DOK6: variants seen among roughly 807,000 people sequenced by gnomAD.
The protein encoded by DOK6 is docking protein 6, also known as downstream of tyrosine kinase 6.
Under a neutral mutation model 44.0 loss-of-function variants are expected in DOK6, and 22 were observed. That is an observed-to-expected ratio of 0.50 (90% CI 0.36 to 0.71). The LOEUF (loss-of-function observed/expected upper bound fraction) is 0.71. Ranked by LOEUF, DOK6 falls within the 30% of genes least tolerant of loss-of-function variation. The pLI is 0.00. For missense variants in DOK6, 340 were observed against 416.4 expected (o/e 0.82, Z 1.60); for synonymous variants, 166 against 145.5 (o/e 1.14, Z -1.01).
At chr18:69,655,761 C>CAAAAAAAAAAAAAAAAA (rs74175379) in intron 3 of DOK6, among the ~76,000 whole-genome samples, 7 of 43,166 alleles carry the variant, frequency 1.6e-4, no homozygotes, top group African/African-American at 3.2e-4. Context: ...CCCCACCCCT[C>CAAAAAAAAAAAAAAAAA]AAAAAAAAAA....
At chr18:69,663,401 A>T (rs925318694) in intron 3 of DOK6, 3 of 151,936 alleles carry the variant, frequency 2.0e-5, no homozygotes, top group Admixed American at 2.0e-4. Flanking sequence ...CTGCACATGT[A>T]CCCATGAACT....
intron 6 of DOK6, among the ~76,000 whole-genome samples, chr18:69,755,270 T>C (rs1979317649): frequency 6.6e-6 from 1 of 152,180 alleles, no homozygotes; most frequent in Non-Finnish European, 1.5e-5. Flanking sequence ...CTTACTCTAT[T>C]TCCCTGATGC....
At chr18:69,808,036 T>C (rs1277881827) in intron 7 of DOK6, among the ~76,000 whole-genome samples, 1 of 151,842 alleles carries the variant, frequency 6.6e-6, no homozygotes, top group Non-Finnish European at 1.5e-5. Flanking sequence ...TTAGATCACA[T>C]GTTAGGCCAC....
chr18:69,658,310 T>A (rs927866032), intron 3 of DOK6, among the ~76,000 whole-genome samples: 1 of 152,170 alleles, frequency 6.6e-6, no homozygotes, highest in Non-Finnish European at 1.5e-5. Flanking sequence ...AATCTTCACA[T>A]GCACTTTAAA....
chr18:69,629,349 C>T (rs1984634294), intron 3 of DOK6, among the ~76,000 whole-genome samples: 1 of 152,074 alleles, frequency 6.6e-6, no homozygotes, highest in South Asian at 2.1e-4. Context: ...AATATTATAG[C>T]TGCTTATTTT....
chr18:69,554,085 A>G (rs972852116), intron 1 of DOK6, among the ~76,000 whole-genome samples: 2 of 152,182 alleles, frequency 1.3e-5, no homozygotes, highest in African/African-American at 4.8e-5. Flanking sequence ...ATCTGCATAA[A>G]CTTCAACATG....
chr18:69,621,310 C>T (rs553873266), intron 3 of DOK6, among the ~76,000 whole-genome samples: 1 of 152,156 alleles, frequency 6.6e-6, no homozygotes, highest in African/African-American at 2.4e-5. Context: ...TTGTTACTGA[C>T]TGAGACTCAG....
In DOK6 at chr18:69,412,365, A is replaced by G. The variant is rs551159643; in HGVS notation, c.66+11055A>G. 5.1e-4 allele frequency among the ~76,000 whole-genome samples: 78 copies of G among 152,258 alleles called. No homozygotes were observed. The Middle Eastern group carries it at 0.014, about 27-fold the overall frequency. On this transcript the variant is annotated intron_variant, in intron 1 of 7. Coordinates refer to ENST00000382713, the MANE Select transcript of DOK6 (RefSeq NM_152721.6). ...AGTTATCTACCTCCATGGTAGCACT[A>G]TGGCTTGTGACAATGACAGTGAAGA...
chr18:69,473,335 C>T (rs1322118229), intron 1 of DOK6, among the ~76,000 whole-genome samples: 1 of 152,012 alleles, frequency 6.6e-6, no homozygotes. Flanking sequence ...AATATGGCAA[C>T]CCTAATTTTT....
intron 1 of DOK6, among the ~76,000 whole-genome samples, chr18:69,519,663 G>A (rs1313012417): frequency 3.3e-5 from 5 of 151,864 alleles, no homozygotes; most frequent in African/African-American, 1.2e-4. Context: ...TTGGAGTGGA[G>A]ACTAAAATGC....
chr18:69,520,404 G>GT (rs759317670), intron 1 of DOK6, among the ~76,000 whole-genome samples: 1 of 151,666 alleles, frequency 6.6e-6, no homozygotes. Context: ...CAGTGTGTAT[G>GT]TTTTTTTATC....
intron 1 of DOK6, among the ~76,000 whole-genome samples, chr18:69,406,440 C>T (rs886604503): frequency 2.6e-5 from 4 of 152,066 alleles, no homozygotes; most frequent in Admixed American, 2.6e-4. Context: ...GACATTGTGG[C>T]TGGATTTTGC....
At chr18:69,670,992 C>T (rs150509971) in intron 3 of DOK6, among the ~76,000 whole-genome samples, 27 of 152,204 alleles carry the variant, frequency 1.8e-4, no homozygotes, top group Non-Finnish European at 3.4e-4. Flanking sequence ...CACACACACA[C>T]GCACACACGC....
At chr18:69,573,233 A>G (rs141596933) in intron 2 of DOK6, among the ~76,000 whole-genome samples, 1 of 151,918 alleles carries the variant, frequency 6.6e-6, no homozygotes, top group African/African-American at 2.4e-5. Context: ...CACATGCTCT[A>G]TGTGTGTGAT....
chr18:69,725,765 G>A (rs1250752303), intron 5 of DOK6, among the ~76,000 whole-genome samples: 2 of 152,158 alleles, frequency 1.3e-5, no homozygotes, highest in African/African-American at 4.8e-5. Context: ...GGGATTACAC[G>A]CATGAGCCAC....
intron 5 of DOK6, 78 bp downstream of exon 5, chr18:69,698,671 G>A: frequency 1.4e-6 from 2 of 1,429,346 alleles, no homozygotes; most frequent in Non-Finnish European, 1.9e-6. Flanking sequence ...GAAAGAGAGT[G>A]CTGTCCATCA....
In DOK6 at chr18:69,740,517, G is replaced by C. The variant is rs925950623; in HGVS notation, c.738+1414G>C. Among the ~76,000 whole-genome samples the C allele has an allele frequency of 2.6e-4, 39 of 152,136 alleles. 1 individual carries two copies. Among genetic ancestry groups the C allele is most frequent in the African/African-American group, 9.2e-4 (38 of 41,412 alleles). On this transcript the variant is annotated intron_variant, in intron 6 of 7. Transcript: ENST00000382713. ...TGTTTTAAACAAGCAAAAGCTCATA[G>C]AGTGATTTAAATTATATTTTAATGA...
intron 7 of DOK6, 112 bp downstream of exon 7, chr18:69,757,985 T>A: frequency 1.1e-6 from 1 of 923,282 alleles, no homozygotes; most frequent in Non-Finnish European, 1.7e-6. Context: ...CATTCCCATT[T>A]ATCAGCTGTC....
intron 5 of DOK6, among the ~76,000 whole-genome samples, chr18:69,700,806 G>A (rs1986502832): frequency 1.3e-5 from 2 of 152,254 alleles, no homozygotes; most frequent in Admixed American, 1.3e-4. Context: ...CTGGACTGAT[G>A]GGGTCACTGG....
Sources: gnomAD v4.1 joint callset for allele counts (sites outside exome capture counted in the v4.1 genomes callset) on GRCh38, gnomAD v4.1.1 for gene constraint, MANE v1.5 for transcripts, NCBI Gene and HGNC (gene_info 2026-07-23, HGNC 2026-07-21) for gene names.